Variants in UNC5C observed in about 807,000 individuals in gnomAD.
UNC5C encodes unc-5 netrin receptor C.
In UNC5C, 47 loss-of-function variants were observed where a neutral mutation model predicts 99.8. The observed-to-expected ratio is 0.47, with a 90% confidence interval of 0.37 to 0.60. The LOEUF (loss-of-function observed/expected upper bound fraction) is 0.60, where lower values mean the gene tolerates loss of function less well. Ranked by LOEUF, UNC5C falls within the 20% of genes least tolerant of loss-of-function variation. UNC5C has a pLI of 0.00. For synonymous variants in UNC5C, 487 were observed against 452.2 expected (o/e 1.08, Z -0.98); for missense variants, 1,062 against 1,165.9 (o/e 0.91, Z 1.30).
At chr4:95,387,930 G>C (rs1745256097) in intron 1 of UNC5C, among the ~76,000 whole-genome samples, 1 of 152,174 alleles carries the variant, frequency 6.6e-6, no homozygotes, top group African/African-American at 2.4e-5. Context: ...AAACCCGTAA[G>C]AATTCTGTTC....
At chr4:95,200,503 C>CTT (rs1737612863) in intron 12 of UNC5C, among the ~76,000 whole-genome samples, 1 of 152,220 alleles carries the variant, frequency 6.6e-6, no homozygotes, top group Non-Finnish European at 1.5e-5. Context: ...CTTACTTAAA[C>CTT]TTTCTGTGCC....
intron 1 of UNC5C, among the ~76,000 whole-genome samples, chr4:95,489,179 A>G (rs116032855): frequency 0.018 from 2,765 of 151,400 alleles, 42 homozygotes; most frequent in Non-Finnish European, 0.029. Flanking sequence ...AAATAAGAAT[A>G]TATGTTATAA....
chr4:95,220,323 G>T, intron 7 of UNC5C, 147 bp from the exon 8 acceptor site: 1 of 811,898 alleles, frequency 1.2e-6, no homozygotes, highest in South Asian at 2.2e-5. Context: ...AAATGGCTGT[G>T]GCCTTTCAGT....
rs181813682 is a variant in UNC5C at position 95,277,727 on chromosome 4, G to C, written c.594+532C>G. ...ACAAAAAGTGGAAAATGTAGGACTT[G>C]ATGGAAAGTTTATAGGATGAAACTA... On this transcript the variant is annotated intron_variant, in intron 4 of 15. Transcript: ENST00000453304. 5.9e-5 allele frequency among the ~76,000 whole-genome samples: 9 copies of C among 152,304 alleles called. No individual in the cohort carries two copies. The East Asian group carries it at 7.7e-4, about 13-fold the overall frequency.
At chr4:95,309,263 C>T (rs1197170003) in intron 2 of UNC5C, among the ~76,000 whole-genome samples, 2 of 151,900 alleles carry the variant, frequency 1.3e-5, no homozygotes, top group Non-Finnish European at 2.9e-5. Context: ...TTAACTCATA[C>T]CATATACAAA....
chr4:95,347,986 T>C (rs1401055642), intron 1 of UNC5C, among the ~76,000 whole-genome samples: 2 of 151,876 alleles, frequency 1.3e-5, no homozygotes, highest in Non-Finnish European at 2.9e-5. Context: ...TACAGAATGA[T>C]AGAAAACATT....
At chr4:95,350,796 G>A (rs1412813647) in intron 1 of UNC5C, among the ~76,000 whole-genome samples, 1 of 152,058 alleles carries the variant, frequency 6.6e-6, no homozygotes, top group Non-Finnish European at 1.5e-5. Context: ...TCAATTATAT[G>A]GGTCAACTTG....
chr4:95,323,949 T>A (rs1222297889), intron 2 of UNC5C, among the ~76,000 whole-genome samples: 1 of 152,028 alleles, frequency 6.6e-6, no homozygotes, highest in Non-Finnish European at 1.5e-5. Flanking sequence ...GGCAGGAGAA[T>A]CGCTTGAACC....
rs1553966175 is a variant in UNC5C, at chr4:95,356,224, A to AAC, written c.125-20594_125-20593insGT. On this transcript the variant is annotated intron_variant, in intron 1 of 15. Coordinates refer to ENST00000453304, the MANE Select transcript of UNC5C (RefSeq NM_003728.4). ...AAAAAAAAAAAAAACAAAACAAAAAAAAAACAGATTCCTCGTTCTTCCTCA... is the reference window on the plus strand; with the variant it reads ...AAAAAAAAAAAAAACAAAACAAAAAAACAAAACAGATTCCTCGTTCTTCCTCA... 1.3e-3 allele frequency among the ~76,000 whole-genome samples: 169 copies of AAC among 127,528 alleles called. 3 individuals carry two copies. The highest frequency in any genetic ancestry group is 9.2e-3 in the Middle Eastern group (2 of 218). The allele number at this position is 127,528 out of a possible 152,430, so 83.7% of individuals were successfully genotyped here.
In UNC5C at chr4:95,526,120, T is replaced by C. The variant is rs191281810; in HGVS notation, c.124+22614A>G. Among the ~76,000 whole-genome samples the C allele has an allele frequency of 3.3e-3, 509 of 152,278 alleles. 2 individuals carry two copies. Among genetic ancestry groups the C allele is most frequent in the African/African-American group, 0.011 (474 of 41,580 alleles). On this transcript the variant is annotated intron_variant, in intron 1 of 15. Transcript: ENST00000453304. ...TTTCAAAGACACAGAATATAGTACATTTAATTCTAAATCCACTGTGAGCAT... is the reference window on the plus strand; with the variant it reads ...TTTCAAAGACACAGAATATAGTACACTTAATTCTAAATCCACTGTGAGCAT...
chr4:95,354,741 C>T (rs1047356681), intron 1 of UNC5C, among the ~76,000 whole-genome samples: 5 of 151,946 alleles, frequency 3.3e-5, no homozygotes, highest in African/African-American at 1.2e-4. Context: ...CCTTGGCTTC[C>T]CAAAGTGCTG....
rs756857276 is a variant in UNC5C, at chr4:95,170,242, T to C, written c.2542A>G (p.Ile848Val). Residue 848 changes from isoleucine (I) to valine (V), a missense_variant, in exon 15 of 16, where the codon ATC (isoleucine) becomes GTC (valine). Physicochemically the swap from Ile to Val is conservative, Grantham distance 29 (BLOSUM62 3). This residue lies in a region of UNC5C where 810 missense variants were observed against 854.5 expected (regional missense o/e 0.95). Coordinates refer to ENST00000453304, the MANE Select transcript of UNC5C (RefSeq NM_003728.4). ...GPSAFSIPLP[I>V]RQKLCSSLDA... ...AGGCTGCTACAGAGCTTCTGCCGGATAGGGAGAGGGATGCTGAAAGCACTG... is the reference window on the plus strand; with the variant it reads ...AGGCTGCTACAGAGCTTCTGCCGGACAGGGAGAGGGATGCTGAAAGCACTG... The C allele has an allele frequency of 5.0e-6, 8 of 1,613,834 alleles. No homozygotes were observed. Among genetic ancestry groups the C allele is most frequent in the Non-Finnish European group, 8.5e-7 (1 of 1,179,986 alleles).
intron 13 of UNC5C, among the ~76,000 whole-genome samples, chr4:95,183,974 A>G (rs1278122299): frequency 6.6e-6 from 1 of 152,224 alleles, no homozygotes; most frequent in East Asian, 1.9e-4. Context: ...CTTAGCTTTA[A>G]CTAATATCAT....
intron 14 of UNC5C, among the ~76,000 whole-genome samples, chr4:95,176,452 C>A (rs1241242294): frequency 1.3e-5 from 2 of 152,100 alleles, no homozygotes; most frequent in African/African-American, 4.8e-5. Context: ...TGTTAGTTTT[C>A]CTTCTAACAG....
At chr4:95,343,610 A>G (rs997852389) in intron 1 of UNC5C, among the ~76,000 whole-genome samples, 12 of 152,126 alleles carry the variant, frequency 7.9e-5, no homozygotes, top group African/African-American at 2.9e-4. Context: ...CCACTGGCCA[A>G]TGCTGGAGAG....
chr4:95,233,575 T>G (rs954199258), intron 7 of UNC5C, among the ~76,000 whole-genome samples: 16 of 152,168 alleles, frequency 1.1e-4, no homozygotes, highest in Non-Finnish European at 8.8e-5. Context: ...AAGTAAGCAG[T>G]GATTAAACTA....
intron 1 of UNC5C, among the ~76,000 whole-genome samples, chr4:95,343,217 G>T (rs186307047): frequency 1.3e-5 from 2 of 152,138 alleles, no homozygotes. Context: ...TCAGTACTGT[G>T]CTGGATTCAG....
At chr4:95,271,003 A>T (rs188216496) in intron 4 of UNC5C, among the ~76,000 whole-genome samples, 1 of 152,332 alleles carries the variant, frequency 6.6e-6, no homozygotes, top group Admixed American at 6.5e-5. Context: ...CTCTGACTCC[A>T]TAATGAGTTT....
At chr4:95,212,718 C>T (rs974159956) in intron 10 of UNC5C, among the ~76,000 whole-genome samples, 5 of 152,176 alleles carry the variant, frequency 3.3e-5, no homozygotes, top group Admixed American at 6.5e-5. Context: ...GGAATCTGTC[C>T]TCTCCCCTGG....
Sources: allele counts gnomAD v4.1 joint callset (sites outside exome capture counted in the v4.1 genomes callset), GRCh38; gene constraint gnomAD v4.1.1; regional missense constraint gnomAD v4.1.1; transcripts MANE v1.5; gene names NCBI Gene and HGNC (gene_info 2026-07-23, HGNC 2026-07-21).